The following RNF144A variants were observed in gnomAD, a reference collection of about 807,000 sequenced individuals.
RNF144A encodes the protein ring finger protein 144A.
RNF144A carries 11 observed loss-of-function variants against 38.7 expected under a neutral mutation model. That is an observed-to-expected ratio of 0.28 (90% confidence interval 0.18 to 0.47). The LOEUF is 0.47. RNF144A is among the 20% of genes least tolerant of loss of function. The probability of loss-of-function intolerance (pLI) is 0.99; values close to 1 mark genes in which losing one functional copy is unlikely to be tolerated. For synonymous variants in RNF144A, 149 were observed against 143.9 expected (o/e 1.04, Z -0.25); for missense variants, 316 against 377.2 (o/e 0.84, Z 1.34).
chr2:7,009,470 C>G (rs78640503), intron 3 of RNF144A, among the ~76,000 whole-genome samples: 1 of 151,102 alleles, frequency 6.6e-6, no homozygotes, highest in Non-Finnish European at 1.5e-5. Context: ...TCTAAAGGCT[C>G]GACAGAAGCA....
At chr2:7,059,183 T>C (rs1438968853) in intron 6 of RNF144A, among the ~76,000 whole-genome samples, 2 of 151,924 alleles carry the variant, frequency 1.3e-5, no homozygotes, top group African/African-American at 4.8e-5. Context: ...CCATCTCTAC[T>C]AAAAATACAA....
At chr2:7,010,110 A>C (rs749974756) in intron 3 of RNF144A, among the ~76,000 whole-genome samples, 8 of 152,242 alleles carry the variant, frequency 5.3e-5, no homozygotes, top group Non-Finnish European at 1.0e-4. Flanking sequence ...ATGGCTCTAG[A>C]AAGGCTGAGA....
intron 2 of RNF144A, among the ~76,000 whole-genome samples, chr2:6,990,505 TATATG>T (rs1378902788): frequency 7.4e-6 from 1 of 135,326 alleles, no homozygotes; most frequent in African/African-American, 2.8e-5. Flanking sequence ...TATTATATAA[TATATG>T]ATATAACATA....
intron 8 of RNF144A, among the ~76,000 whole-genome samples, chr2:7,034,901 T>C (rs1024240389): frequency 6.6e-6 from 1 of 152,110 alleles, no homozygotes; most frequent in Non-Finnish European, 1.5e-5. Flanking sequence ...AGAGTCGTGA[T>C]TGGCCTTGGA....
chr2:6,995,717 A>T (rs1335447251), intron 2 of RNF144A, among the ~76,000 whole-genome samples: 1 of 152,244 alleles, frequency 6.6e-6, no homozygotes, highest in Non-Finnish European at 1.5e-5. Flanking sequence ...CTTTGCTGGC[A>T]GCTGATTAGA....
rs1335919703 is a variant in RNF144A at position 6,943,374 on chromosome 2, C to A, written c.-12+2227C>A. Reference sequence around the variant, plus strand: ...ACCAGTGGTCCAGTGGCTGTGGCCACACAAGCTGGATTGGAGAGAAGAATG... The same window carrying A: ...ACCAGTGGTCCAGTGGCTGTGGCCAAACAAGCTGGATTGGAGAGAAGAATG... On this transcript the variant is annotated intron_variant, in intron 2 of 8. Transcript: ENST00000320892. The surrounding 1 kb of genome is among the most constrained non-coding windows in gnomAD (Gnocchi z 4.3). Among the ~76,000 whole-genome samples the A allele has an allele frequency of 6.6e-6, 1 of 152,116 alleles. No individual in the cohort carries two copies. The highest frequency in any genetic ancestry group is 1.5e-5 in the Non-Finnish European group (1 of 68,024).
chr2:7,035,390 T>A (rs1380813639), intron 8 of RNF144A, among the ~76,000 whole-genome samples: 1 of 152,174 alleles, frequency 6.6e-6, no homozygotes, highest in Admixed American at 6.5e-5. Context: ...CACATCGACA[T>A]AACTTCCCCA....
At chr2:7,045,559 TTCATC>T (rs1395397647), downstream of RNF144A, among the ~76,000 whole-genome samples, 1 of 152,154 alleles carries the variant, frequency 6.6e-6, no homozygotes, top group African/African-American at 2.4e-5. Context: ...ACACAGCTCC[TTCATC>T]TAAGGGCAAA....
At chr2:6,963,752 T>C (rs1019176628) in intron 2 of RNF144A, among the ~76,000 whole-genome samples, 1 of 152,212 alleles carries the variant, frequency 6.6e-6, no homozygotes, top group Non-Finnish European at 1.5e-5. Context: ...CCGAGTCATG[T>C]GTCCTTGGTG....
chr2:6,941,443 C>T lies in RNF144A; in HGVS notation c.-12+296C>T, dbSNP rs1419544627. 6.6e-6 allele frequency among the ~76,000 whole-genome samples: 1 copy of T among 152,218 alleles called. No homozygotes were observed. Among genetic ancestry groups the T allele is most frequent in the Non-Finnish European group, 1.5e-5 (1 of 68,046 alleles). ...TCTCCTGTTTTAGATCTCCCTGATT[C>T]ACTAGAGAACACGTGGATTGAGCTC... On this transcript the variant is annotated intron_variant, in intron 2 of 8. Coordinates refer to ENST00000320892, the MANE Select transcript of RNF144A (RefSeq NM_014746.6). The surrounding 1 kb of genome is among the most constrained non-coding windows in gnomAD (Gnocchi z 6.5).
chr2:7,064,100 C>A (rs1300939778), intron 6 of RNF144A, among the ~76,000 whole-genome samples: 4 of 152,088 alleles, frequency 2.6e-5, no homozygotes, highest in African/African-American at 9.7e-5. Context: ...AACCTGCTTC[C>A]ACAATAACAA....
chr2:7,008,851 A>G (rs908292318), intron 3 of RNF144A, among the ~76,000 whole-genome samples: 4 of 152,214 alleles, frequency 2.6e-5, no homozygotes, highest in African/African-American at 9.6e-5. Flanking sequence ...AGGTCCCTGC[A>G]TGCCACCCCA....
downstream of RNF144A, among the ~76,000 whole-genome samples, chr2:7,070,294 C>A (rs575722425): frequency 1.3e-5 from 2 of 152,246 alleles, no homozygotes; most frequent in South Asian, 4.1e-4. Context: ...TCTCAGCCTC[C>A]CGAGTAGCTG....
chr2:6,927,332 C>T (rs1664940971), intron 1 of RNF144A, among the ~76,000 whole-genome samples: 1 of 152,224 alleles, frequency 6.6e-6, no homozygotes, highest in Admixed American at 6.5e-5. Flanking sequence ...TTTAATCACT[C>T]CTGGGACTCT....
chr2:7,012,845 C>T (rs1670905854), intron 3 of RNF144A, among the ~76,000 whole-genome samples: 1 of 152,208 alleles, frequency 6.6e-6, no homozygotes, highest in South Asian at 2.1e-4. Flanking sequence ...GAAATGTCTT[C>T]ATAAACCATA....
At position 6,994,152 on chromosome 2, in the gene RNF144A, G is replaced by A. The variant is rs79791488; in HGVS notation, c.-11-2764G>A. Among the ~76,000 whole-genome samples the A allele has an allele frequency of 7.3e-4, 111 of 152,246 alleles. 2 individuals carry two copies. The East Asian group carries it at 0.02, about 28-fold the overall frequency. ...TACCCTGCAACTTCCCCAACAGCCC[G>A]ACAGAACTTGTACCCAGTGCTTTTT... On this transcript the variant is annotated intron_variant, in intron 2 of 8. Transcript: ENST00000320892.
At chr2:6,963,457 C>T (rs1160152245) in intron 2 of RNF144A, among the ~76,000 whole-genome samples, 2 of 152,210 alleles carry the variant, frequency 1.3e-5, no homozygotes, top group Non-Finnish European at 2.9e-5. Context: ...TTCCTCGTGA[C>T]TTGGTTTTCT....
chr2:6,930,786 G>C (rs1026151882), intron 1 of RNF144A, among the ~76,000 whole-genome samples: 1 of 151,936 alleles, frequency 6.6e-6, no homozygotes, highest in African/African-American at 2.4e-5. Flanking sequence ...TAGAGGGGGG[G>C]ATTTGCCATG....
rs1673209045 is a variant in RNF144A at position 7,044,148 on chromosome 2, A to G, written c.*4388A>G. 3 of 985,544 alleles carry G rather than the reference A, an allele frequency of 3.0e-6. No individual in the cohort carries two copies. The highest frequency in any genetic ancestry group is 3.6e-6 in the Non-Finnish European group (3 of 829,910). The allele number at this position is 985,544 out of a possible 1,614,324, so 61.0% of individuals were successfully genotyped here. ...TTAGCAGGGATTCCTTTTTAAAGCT[A>G]TTTTGGCTGGAATACAGGTGACTTT... On this transcript the variant is annotated 3_prime_UTR_variant, in exon 9 of 9. Transcript: ENST00000320892.
Sources: gnomAD v4.1 joint callset for allele counts (sites outside exome capture counted in the v4.1 genomes callset) on GRCh38, gnomAD v4.1.1 for gene constraint, Gnocchi (gnomAD v3.1) non-coding constraint, MANE v1.5 for transcripts, NCBI Gene and HGNC (gene_info 2026-07-23, HGNC 2026-07-21) for gene names.